Variants in ERBB4 observed in about 807,000 individuals in gnomAD.
The protein encoded by ERBB4 is erb-b2 receptor tyrosine kinase 4.
In ERBB4, 42 loss-of-function variants were observed where a neutral mutation model predicts 158.0. The observed-to-expected ratio is 0.27, with a 90% confidence interval of 0.21 to 0.34. ERBB4 has a LOEUF of 0.34. Ranked by LOEUF, ERBB4 falls within the 10% of genes least tolerant of loss-of-function variation. The pLI, the probability that ERBB4 is intolerant of heterozygous loss-of-function variation, is 1.00. For missense variants in ERBB4, 1,333 were observed against 1,624.1 expected (o/e 0.82, Z 3.08); for synonymous variants, 583 against 558.7 (o/e 1.04, Z -0.61).
intron 3 of ERBB4, among the ~76,000 whole-genome samples, chr2:211,935,376 T>G (rs959218602): frequency 6.6e-6 from 1 of 152,092 alleles, no homozygotes; most frequent in African/African-American, 2.4e-5. Flanking sequence ...TCAATGCGGG[T>G]GGGCAACAGC....
At chr2:211,620,380 T>C (rs2069553295) in intron 18 of ERBB4, among the ~76,000 whole-genome samples, 1 of 152,080 alleles carries the variant, frequency 6.6e-6, no homozygotes, top group African/African-American at 2.4e-5. Context: ...GTTATAGTCA[T>C]AAAGAAAAAA....
intron 3 of ERBB4, among the ~76,000 whole-genome samples, chr2:211,877,860 C>A (rs2078550532): frequency 6.6e-6 from 1 of 152,188 alleles, no homozygotes; most frequent in South Asian, 2.1e-4. Context: ...GTAATCCCAG[C>A]ACTTTGGGAG....
chr2:212,195,983 AATT>A (rs1490768250), intron 1 of ERBB4, among the ~76,000 whole-genome samples: 2 of 152,122 alleles, frequency 1.3e-5, no homozygotes, highest in African/African-American at 4.8e-5. Flanking sequence ...CCAAAAATAA[AATT>A]ATGTAGACAC....
At chr2:211,538,651 T>A (rs1315498060) in intron 20 of ERBB4, among the ~76,000 whole-genome samples, 3 of 151,890 alleles carry the variant, frequency 2.0e-5, no homozygotes, top group African/African-American at 7.2e-5. Context: ...CCGTAATCCT[T>A]TTATTCTGGA....
rs1396019235 is a variant in ERBB4, at chr2:212,436,138, C to T, written c.82+102311G>A. ...CGAGAAATTGATGAATAAATGAGTA[C>T]ATGTAATCTCTAGAATAAGTTTCTA... On this transcript the variant is annotated intron_variant, in intron 1 of 27. Coordinates refer to ENST00000342788, the MANE Select transcript of ERBB4 (RefSeq NM_005235.3). Among the ~76,000 whole-genome samples the T allele has an allele frequency of 2.0e-5, 3 of 151,854 alleles. No homozygotes were observed. The South Asian group carries it at 6.2e-4, about 32-fold the overall frequency.
At chr2:212,184,404 TA>T in intron 1 of ERBB4, among the ~76,000 whole-genome samples, 1 of 152,224 alleles carries the variant, frequency 6.6e-6, no homozygotes, top group Non-Finnish European at 1.5e-5. Context: ...CTTATATATA[TA>T]AGGCTCTGAA....
chr2:211,695,994 TC>T lies in ERBB4; in HGVS notation c.1489+5972del, dbSNP rs1385102089. On this transcript the variant is annotated intron_variant, in intron 12 of 27. Transcript: ENST00000342788. Reference sequence around the variant, plus strand: ...TATCCTTCCTTCCTTCCTCCCTCCTTCCCTTCCCTTCCTTCCTTCTTTCCTT... The same window carrying T: ...TATCCTTCCTTCCTTCCTCCCTCCTTCCTTCCCTTCCTTCCTTCTTTCCTT... Among the ~76,000 whole-genome samples, 5 of 150,166 alleles carry T rather than the reference TC, an allele frequency of 3.3e-5. No homozygotes were observed. The South Asian group carries it at 6.8e-4, about 21-fold the overall frequency.
At chr2:211,600,441 G>C (rs1189542161) in intron 19 of ERBB4, among the ~76,000 whole-genome samples, 1 of 152,016 alleles carries the variant, frequency 6.6e-6, no homozygotes, top group African/African-American at 2.4e-5. Flanking sequence ...CCTACAAAGA[G>C]GGATGCCAAT....
At chr2:212,338,312 C>T (rs1369459593) in intron 1 of ERBB4, among the ~76,000 whole-genome samples, 4 of 152,030 alleles carry the variant, frequency 2.6e-5, no homozygotes, top group Non-Finnish European at 5.9e-5. Context: ...CCCAGCACTA[C>T]TGTGGCAGTA....
At chr2:212,042,672 C>G (rs1181329603) in intron 2 of ERBB4, among the ~76,000 whole-genome samples, 1 of 152,040 alleles carries the variant, frequency 6.6e-6, no homozygotes, top group African/African-American at 2.4e-5. Flanking sequence ...TTTTTTGAAG[C>G]TCCCTGTAAG....
chr2:211,563,255 G>C (rs991445780), intron 19 of ERBB4, among the ~76,000 whole-genome samples: 1 of 151,322 alleles, frequency 6.6e-6, no homozygotes, highest in Non-Finnish European at 1.5e-5. Flanking sequence ...GTTACGGCTT[G>C]ATATGTGCTT....
chr2:212,029,375 C>A (rs752769075), intron 2 of ERBB4, among the ~76,000 whole-genome samples: 34 of 152,076 alleles, frequency 2.2e-4, no homozygotes, highest in African/African-American at 7.5e-4. Context: ...CACTTTGGGG[C>A]TTCCCTGCCC....
chr2:212,201,375 T>C (rs2082581862), intron 1 of ERBB4, among the ~76,000 whole-genome samples: 1 of 152,152 alleles, frequency 6.6e-6, no homozygotes, highest in South Asian at 2.1e-4. Flanking sequence ...TTAGCATTGA[T>C]TCCAAACAGC....
At chr2:211,480,961 C>T (rs1294342715) in intron 20 of ERBB4, among the ~76,000 whole-genome samples, 1 of 152,060 alleles carries the variant, frequency 6.6e-6, no homozygotes, top group African/African-American at 2.4e-5. Flanking sequence ...TCATAAACTG[C>T]CATTTCTATT....
intron 1 of ERBB4, among the ~76,000 whole-genome samples, chr2:212,371,930 T>C (rs776006179): frequency 3.3e-5 from 5 of 152,200 alleles, no homozygotes; most frequent in Admixed American, 6.5e-5. Flanking sequence ...AGCAAGCTCA[T>C]TTTACTATAA....
intron 1 of ERBB4, among the ~76,000 whole-genome samples, chr2:212,176,588 T>C (rs986964426): frequency 6.6e-6 from 1 of 151,990 alleles, no homozygotes; most frequent in Non-Finnish European, 1.5e-5. Context: ...TATAGCAGCC[T>C]GAGCAGATTA....
chr2:212,105,789 C>T (rs1186469883), intron 2 of ERBB4, among the ~76,000 whole-genome samples: 1 of 152,050 alleles, frequency 6.6e-6, no homozygotes, highest in Non-Finnish European at 1.5e-5. Flanking sequence ...GTGGGAGGGA[C>T]CCAGTTGGAT....
intron 1 of ERBB4, among the ~76,000 whole-genome samples, chr2:212,535,751 A>G (rs533677650): frequency 6.6e-6 from 1 of 152,340 alleles, no homozygotes; most frequent in African/African-American, 2.4e-5. Context: ...AAAGTCCTTT[A>G]GAATTTCTAA....
intron 1 of ERBB4, among the ~76,000 whole-genome samples, chr2:212,491,708 A>G (rs1469555493): frequency 6.6e-6 from 1 of 151,516 alleles, no homozygotes; most frequent in Admixed American, 6.6e-5. Flanking sequence ...TACTATTTAA[A>G]ATCTATCATT....
Sources: allele counts gnomAD v4.1 joint callset (sites outside exome capture counted in the v4.1 genomes callset), GRCh38; gene constraint gnomAD v4.1.1; transcripts MANE v1.5; gene names NCBI Gene and HGNC (gene_info 2026-07-23, HGNC 2026-07-21).